The following DLC1 variants were observed in gnomAD, a reference collection of about 807,000 sequenced individuals.
DLC1 encodes the protein rho GTPase-activating protein 7.
Under a neutral mutation model 140.3 loss-of-function variants are expected in DLC1, and 54 were observed. The observed-to-expected ratio is 0.38, with a 90% CI of 0.31 to 0.48. The LOEUF is 0.48. DLC1 is among the 20% of genes least tolerant of loss of function. DLC1 has a pLI of 0.96. For missense variants in DLC1, 2,536 were observed against 1,907.0 expected (o/e 1.33, Z -6.14); for synonymous variants, 986 against 728.1 (o/e 1.35, Z -5.70).
intron 5 of DLC1, among the ~76,000 whole-genome samples, chr8:13,164,049 C>G (rs149660178): frequency 6.6e-6 from 1 of 152,052 alleles, no homozygotes; most frequent in Non-Finnish European, 1.5e-5. Context: ...GCAATCCCAG[C>G]GCTTTGGGAG....
At chr8:13,413,033 T>A (rs1167019566) in intron 2 of DLC1, among the ~76,000 whole-genome samples, 3 of 150,858 alleles carry the variant, frequency 2.0e-5, no homozygotes, top group Admixed American at 1.3e-4. Context: ...CAGCCCCCAC[T>A]CAGCACTTTA....
chr8:13,385,379 A>G (rs889398380), intron 4 of DLC1, among the ~76,000 whole-genome samples: 3 of 152,242 alleles, frequency 2.0e-5, no homozygotes, highest in African/African-American at 7.2e-5. Context: ...TCAGGAGGTC[A>G]TCTGGATTAT....
chr8:13,285,401 TGGAACA>T (rs1831503756), intron 5 of DLC1, among the ~76,000 whole-genome samples: 1 of 152,168 alleles, frequency 6.6e-6, no homozygotes, highest in South Asian at 2.1e-4. Flanking sequence ...TAACTCTAAA[TGGAACA>T]TAGACCACAG....
At chr8:13,411,107 C>T (rs570934080) in intron 2 of DLC1, among the ~76,000 whole-genome samples, 1 of 152,228 alleles carries the variant, frequency 6.6e-6, no homozygotes, top group South Asian at 2.1e-4. Context: ...CCCATAAACA[C>T]CTGCATACAG....
chr8:13,212,740 A>G (rs1318437183), intron 5 of DLC1, among the ~76,000 whole-genome samples: 2 of 152,162 alleles, frequency 1.3e-5, no homozygotes, highest in Admixed American at 1.3e-4. Context: ...AGAACTTCAA[A>G]CATGCCTTTA....
rs924806522 is a variant in DLC1 at position 13,279,462 on chromosome 8, G to T, written c.1348+25807C>A. On this transcript the variant is annotated intron_variant, in intron 5 of 17. Coordinates refer to ENST00000276297, the MANE Select transcript of DLC1 (RefSeq NM_182643.3). Reference sequence around the variant, plus strand: ...CTTAAGAGGACTTTATGTTTTGTTTGTCTTTTTCAAAGGAAACCTCATGGC... The same window carrying T: ...CTTAAGAGGACTTTATGTTTTGTTTTTCTTTTTCAAAGGAAACCTCATGGC... Among the ~76,000 whole-genome samples, 3 of 152,284 alleles carry T rather than the reference G, an allele frequency of 2.0e-5. No individual in the cohort carries two copies. The East Asian group carries it at 5.8e-4, about 29-fold the overall frequency.
intron 1 of DLC1, among the ~76,000 whole-genome samples, chr8:13,523,851 CT>C (rs1724139101): frequency 6.6e-6 from 1 of 151,260 alleles, no homozygotes; most frequent in Non-Finnish European, 1.5e-5. Flanking sequence ...AAATTTTGTT[CT>C]GTTCTTTTTT....
At chr8:13,151,282 CATA>C (rs1488539330) in intron 5 of DLC1, among the ~76,000 whole-genome samples, 1 of 152,200 alleles carries the variant, frequency 6.6e-6, no homozygotes, top group Non-Finnish European at 1.5e-5. Flanking sequence ...GAATTTTCAG[CATA>C]ATGATAATAC....
intron 4 of DLC1, among the ~76,000 whole-genome samples, chr8:13,387,750 AG>A (rs1836585609): frequency 6.6e-6 from 1 of 152,108 alleles, no homozygotes; most frequent in African/African-American, 2.4e-5. Context: ...ATATACCTAA[AG>A]TATAGCCTAA....
intron 2 of DLC1, among the ~76,000 whole-genome samples, chr8:13,463,835 G>A (rs981027668): frequency 6.6e-6 from 1 of 152,032 alleles, no homozygotes; most frequent in Non-Finnish European, 1.5e-5. Context: ...GACCATCTGG[G>A]GAGAGAGTAA....
chr8:13,278,210 C>A (rs1831244561), intron 5 of DLC1, among the ~76,000 whole-genome samples: 1 of 152,212 alleles, frequency 6.6e-6, no homozygotes, highest in South Asian at 2.1e-4. Context: ...GACCTCCGTG[C>A]CTGCACGGGC....
chr8:13,501,698 A>G (rs757815542), intron 1 of DLC1, among the ~76,000 whole-genome samples: 1 of 152,210 alleles, frequency 6.6e-6, no homozygotes. Flanking sequence ...CTGACCAAGT[A>G]TCTTTCTGGA....
chr8:13,349,595 G>T (rs1834540761), intron 4 of DLC1, among the ~76,000 whole-genome samples: 1 of 152,108 alleles, frequency 6.6e-6, no homozygotes, highest in Non-Finnish European at 1.5e-5. Context: ...TTCAACACAA[G>T]CATTAGTCAA....
intron 4 of DLC1, among the ~76,000 whole-genome samples, chr8:13,378,426 C>A (rs1836096427): frequency 6.6e-6 from 1 of 151,314 alleles, no homozygotes. Context: ...ATTTGTGATC[C>A]AAGAAGAGAT....
chr8:13,092,380 C>A (rs143603565), intron 13 of DLC1, among the ~76,000 whole-genome samples: 2 of 152,322 alleles, frequency 1.3e-5, no homozygotes, highest in African/African-American at 4.8e-5. Context: ...GGAAAAGGAT[C>A]AGTTCGATGG....
At chr8:13,123,252 C>T (rs2128956902) in intron 5 of DLC1, among the ~76,000 whole-genome samples, 1 of 152,256 alleles carries the variant, frequency 6.6e-6, no homozygotes, top group African/African-American at 2.4e-5. Context: ...GTCCTGGCCC[C>T]TGTCAGGACC....
chr8:13,393,465 T>C (rs1836857839), intron 4 of DLC1, 88 bp downstream of exon 4: 1 of 1,376,534 alleles, frequency 7.3e-7, no homozygotes, highest in African/African-American at 1.5e-5. Context: ...TCCAACAGTA[T>C]TTCTTCTATA....
intron 1 of DLC1, chr8:13,567,194 A>G: frequency 1.3e-6 from 2 of 1,551,814 alleles, no homozygotes; most frequent in Non-Finnish European, 8.7e-7. Context: ...GAACAAGGAG[A>G]CACACAATCT....
chr8:13,446,732 G>A (rs1001090676), intron 2 of DLC1, among the ~76,000 whole-genome samples: 7 of 152,138 alleles, frequency 4.6e-5, no homozygotes, highest in Non-Finnish European at 1.0e-4. Flanking sequence ...CCTGAGGTCA[G>A]GAGTTCGAGA....
Sources: allele counts gnomAD v4.1 joint callset (sites outside exome capture counted in the v4.1 genomes callset), GRCh38; gene constraint gnomAD v4.1.1; transcripts MANE v1.5; gene names NCBI Gene and HGNC (gene_info 2026-07-23, HGNC 2026-07-21).